The following ZC3H14 variants were observed in gnomAD, a reference collection of about 807,000 sequenced individuals.
The protein encoded by ZC3H14 is zinc finger CCCH domain-containing protein 14.
A neutral mutation model predicts 92.4 loss-of-function variants in ZC3H14; 31 were observed. That is an observed-to-expected ratio of 0.34 (90% CI 0.25 to 0.45). The LOEUF is 0.45. Among genes scored for constraint, ZC3H14 ranks in the 20% least tolerant of loss-of-function variants. The pLI, the probability that ZC3H14 is intolerant of heterozygous loss-of-function variation, is 1.00. For synonymous variants in ZC3H14, 321 were observed against 300.9 expected, an observed-to-expected ratio of 1.07 and a Z score of -0.69; for missense variants, 781 against 897.3, an observed-to-expected ratio of 0.87 and a Z score of 1.66.
In ZC3H14 at chr14:88,572,582, A is replaced by T. The variant is rs376138299; in HGVS notation, c.436A>T (p.Thr146Ser). The T allele has an allele frequency of 6.8e-6, 11 of 1,614,166 alleles. No homozygotes were observed. In the South Asian group the frequency reaches 9.9e-5, roughly 14 times the overall value. The change falls in exon 6 of 17, where the codon ACT (threonine) becomes TCT (serine). Residue 146 changes from threonine to serine, a missense_variant. Thr to Ser is a moderately conservative substitution (Grantham distance 58). Transcript: ENST00000251038. ...QESKTTNVRQ[T>S]YDDGAATRLM... is the part of the protein sequence containing the mutation. ...TTTTGTTGTTCTTTTAAATAGACAGACTTACGATGATGGAGCTGCAACCCG... is the reference window on the plus strand; with the variant it reads ...TTTTGTTGTTCTTTTAAATAGACAGTCTTACGATGATGGAGCTGCAACCCG...
At chr14:88,611,004 A>T (rs1181342985) in intron 16 of ZC3H14, 64 bp downstream of exon 16, 1 of 1,510,160 alleles carries the variant, frequency 6.6e-7, no homozygotes, top group African/African-American at 1.4e-5. Context: ...TGCAGTTTCT[A>T]AATTTATAAG....
chr14:88,563,477 C>T (rs2079138615), intron 1 of ZC3H14, 174 bp from the exon 2 acceptor site: 1 of 1,483,330 alleles, frequency 6.7e-7, no homozygotes, highest in Admixed American at 2.4e-5. Flanking sequence ...GGGGCTGGGG[C>T]TGGAGCTGGA....
intron 8 of ZC3H14, among the ~76,000 whole-genome samples, chr14:88,577,129 C>G (rs1256678827): frequency 6.6e-6 from 1 of 152,116 alleles, no homozygotes; most frequent in African/African-American, 2.4e-5. Context: ...TGTCTGTCCT[C>G]TTGGTTCTCC....
In ZC3H14 at chr14:88,620,860, T is replaced by C. The variant is rs1240459193; in HGVS notation, c.*9109T>C. 4 of 1,588,230 alleles carry C rather than the reference T, an allele frequency of 2.5e-6. No individual in the cohort carries two copies. Among genetic ancestry groups the C allele is most frequent in the East Asian group, 2.3e-5 (1 of 44,178 alleles). The stretch of plus-strand genomic sequence containing the variant: ...CCATTTTTCATTCCAATAGCCACCA[T>C]GTCCCCTTCAGGGCTGTAACACACA... On this transcript the variant is annotated 3_prime_UTR_variant, in exon 17 of 17. Transcript: ENST00000251038. The surrounding 1 kb of genome is among the most constrained non-coding windows in gnomAD (Gnocchi z 4.3).
At chr14:88,573,371 C>T (rs910848303) in intron 6 of ZC3H14, among the ~76,000 whole-genome samples, 2 of 152,138 alleles carry the variant, frequency 1.3e-5, no homozygotes, top group East Asian at 1.9e-4. Context: ...CAGAGCGAGA[C>T]TCCGTCTCAA....
At chr14:88,581,954 A>G (rs2081959278) in intron 9 of ZC3H14, among the ~76,000 whole-genome samples, 1 of 152,212 alleles carries the variant, frequency 6.6e-6, no homozygotes, top group South Asian at 2.1e-4. Flanking sequence ...GAACGATACC[A>G]CTGGGTAACC....
chr14:88,598,687 C>G (rs1208340434), intron 10 of ZC3H14, among the ~76,000 whole-genome samples: 1 of 152,234 alleles, frequency 6.6e-6, no homozygotes, highest in Non-Finnish European at 1.5e-5. Flanking sequence ...GACCCTAATG[C>G]TTCATCCATA....
At chr14:88,594,703 G>C in intron 9 of ZC3H14, 1 of 1,613,740 alleles carries the variant, frequency 6.2e-7, no homozygotes. Context: ...TTATGAAAAT[G>C]TCTTTGAGGT....
intron 2 of ZC3H14, among the ~76,000 whole-genome samples, chr14:88,565,646 C>T (rs763796636): frequency 2.6e-5 from 4 of 152,130 alleles, no homozygotes; most frequent in Admixed American, 1.3e-4. Flanking sequence ...AGGTCATTGA[C>T]GTATTTGACA....
At chr14:88,610,995 G>C in intron 16 of ZC3H14, 55 bp downstream of exon 16, 1 of 1,547,320 alleles carries the variant, frequency 6.5e-7, no homozygotes, top group Non-Finnish European at 8.9e-7. Context: ...TTTCTAATTT[G>C]CAGTTTCTAA....
At chr14:88,608,363 C>G in intron 13 of ZC3H14, 1 of 464,130 alleles carries the variant, frequency 2.2e-6, no homozygotes, top group South Asian at 1.6e-5. Flanking sequence ...TCTCACCCTG[C>G]AAGTCATAGC....
chr14:88,616,075 AGTT>A lies in ZC3H14; in HGVS notation c.*4330_*4332del, dbSNP rs1481981600. On this transcript the variant is annotated 3_prime_UTR_variant, in exon 17 of 17. Coordinates refer to ENST00000251038, the MANE Select transcript of ZC3H14 (RefSeq NM_024824.5). ...TGATTTCATAAACCAAAGCTGTAGGAGTTGTTGTATTAAGTCTCTTAACTAGTA... is the reference window on the plus strand; with the variant it reads ...TGATTTCATAAACCAAAGCTGTAGGAGTTGTATTAAGTCTCTTAACTAGTA... 14 of 1,518,544 alleles carry A rather than the reference AGTT, an allele frequency of 9.2e-6. No individual in the cohort carries two copies. The African/African-American group carries it at 1.1e-4, about 12-fold the overall frequency. 94.1% of individuals were successfully genotyped at this position (1,518,544 alleles called of 1,614,324 possible).
intron 3 of ZC3H14, 27 bp downstream of exon 3, chr14:88,568,180 G>T: frequency 6.3e-7 from 1 of 1,596,082 alleles, no homozygotes; most frequent in South Asian, 1.1e-5. Context: ...TTGTGCCTCA[G>T]ACCAAAGTTT....
In ZC3H14 at chr14:88,616,624, A is replaced by T; in HGVS notation, c.*4873A>T. 8.2e-7 allele frequency: 1 copy of T among 1,226,882 alleles called. No individual in the cohort carries two copies. The highest frequency in any genetic ancestry group is 1.1e-6 in the Non-Finnish European group (1 of 905,998). The allele number at this position is 1,226,882 out of a possible 1,614,324, so 76.0% of individuals were successfully genotyped here. ...ATTTAGAAAGTTTGGGGAAAAATTT[A>T]GAAATTAGGACAAAACATTTTAAAT... On this transcript the variant is annotated 3_prime_UTR_variant, in exon 17 of 17. Coordinates refer to ENST00000251038, the MANE Select transcript of ZC3H14 (RefSeq NM_024824.5).
At position 88,563,839 on chromosome 14, in the gene ZC3H14, C is replaced by T. The variant is rs1042364719; in HGVS notation, c.79+146C>T. 4 of 792,292 alleles carry T rather than the reference C, an allele frequency of 5.0e-6. No individual in the cohort carries two copies. In the African/African-American group the frequency reaches 7.0e-5, roughly 14 times the overall value. 49.1% of individuals were successfully genotyped at this position (792,292 alleles called of 1,614,324 possible). On this transcript the variant is annotated intron_variant, in intron 2 of 16. Transcript: ENST00000251038. ...CAAATCTTATACTCCCTGGTTACTT[C>T]TTTATCATCTTTTTGCAACCTTGTT...
chr14:88,592,109 C>A (rs2083209156), intron 9 of ZC3H14: 1 of 152,188 alleles, frequency 6.6e-6, no homozygotes, highest in African/African-American at 2.4e-5. Flanking sequence ...ACATAGTGGG[C>A]CATATGGGTG....
chr14:88,594,996 A>T, intron 9 of ZC3H14: 3 of 1,613,948 alleles, frequency 1.9e-6, no homozygotes, highest in Non-Finnish European at 2.5e-6. Context: ...AAATGAATGA[A>T]TATTCAACAA....
At position 88,626,725 on chromosome 14, in the gene ZC3H14, G is replaced by A; in HGVS notation, c.*14974G>A. On this transcript the variant is annotated 3_prime_UTR_variant, in exon 17 of 17. Transcript: ENST00000251038. ...TGAAATATATGCTTGACCAGGGCAT[G>A]TAATGATTAGCAGATCACAGTATCA... 1 of 1,037,510 alleles carries A rather than the reference G, an allele frequency of 9.6e-7. No homozygotes were observed. Among genetic ancestry groups the A allele is most frequent in the Admixed American group, 2.2e-5 (1 of 45,062 alleles). 64.3% of individuals were successfully genotyped at this position (1,037,510 alleles called of 1,614,324 possible).
Position 88,572,567 on chromosome 14 carries a change from C to CT in ZC3H14, c.432-7dup, listed in dbSNP as rs1352881917. ...TTTGGCTGTAATACATTTTGTTGTTCTTTTAAATAGACAGACTTACGATGA... is the reference window on the plus strand; with the variant it reads ...TTTGGCTGTAATACATTTTGTTGTTCTTTTTAAATAGACAGACTTACGATGA... On this transcript the variant is annotated splice_polypyrimidine_tract_variant and intron_variant, in intron 5 of 16. Coordinates refer to ENST00000251038, the MANE Select transcript of ZC3H14 (RefSeq NM_024824.5). 3 of 1,613,784 alleles carry CT rather than the reference C, an allele frequency of 1.9e-6. No homozygotes were observed.
Sources: allele counts gnomAD v4.1 joint callset (sites outside exome capture counted in the v4.1 genomes callset), GRCh38; gene constraint gnomAD v4.1.1; non-coding constraint Gnocchi (gnomAD v3.1); transcripts MANE v1.5; gene names NCBI Gene and HGNC (gene_info 2026-07-23, HGNC 2026-07-21).